Variants in VAV2 observed in about 807,000 individuals in gnomAD.
VAV2 encodes vav guanine nucleotide exchange factor 2, also known as guanine nucleotide exchange factor VAV2.
A neutral mutation model predicts 132.5 loss-of-function variants in VAV2; 67 were observed. The ratio of observed to expected loss-of-function variants is 0.51; its 90% confidence interval spans 0.42 to 0.62. The LOEUF is 0.62. VAV2 is among the 20% of genes least tolerant of loss of function. The pLI is 0.00. For missense variants in VAV2, 938 were observed against 1,153.6 expected (o/e 0.81, Z 2.71); for synonymous variants, 492 against 443.5 (o/e 1.11, Z -1.37).
intron 3 of VAV2, among the ~76,000 whole-genome samples, chr9:133,859,931 C>A (rs1037033604): frequency 6.6e-6 from 1 of 152,144 alleles, no homozygotes. Flanking sequence ...TGCTGGGCAC[C>A]GGGGTTTTGA....
intron 3 of VAV2, among the ~76,000 whole-genome samples, chr9:133,838,382 G>A (rs1392624852): frequency 4.0e-5 from 6 of 149,476 alleles, no homozygotes; most frequent in South Asian, 2.2e-4. Flanking sequence ...GATAGATGGC[G>A]GGGGGTGGAT....
intron 1 of VAV2, among the ~76,000 whole-genome samples, chr9:133,942,893 C>G (rs913914587): frequency 1.3e-5 from 2 of 152,178 alleles, no homozygotes; most frequent in Non-Finnish European, 2.9e-5. Flanking sequence ...ACTGCACGGA[C>G]GGGGATGGCA....
chr9:133,978,036 G>GT (rs1842571337), intron 1 of VAV2, among the ~76,000 whole-genome samples: 2 of 152,208 alleles, frequency 1.3e-5, no homozygotes, highest in South Asian at 4.1e-4. Context: ...TGTCCTACGT[G>GT]TATGAGACAA....
intron 2 of VAV2, among the ~76,000 whole-genome samples, chr9:133,876,202 T>A (rs1838255533): frequency 6.6e-6 from 1 of 152,240 alleles, no homozygotes; most frequent in East Asian, 1.9e-4. Context: ...TGGTATTAAA[T>A]CTTCCTATCT....
chr9:133,935,285 G>A lies in VAV2; in HGVS notation c.321+3818C>T, dbSNP rs997420221. The stretch of plus-strand genomic sequence containing the variant: ...GTAGGAAACGCTCAGTAAATGCCCC[G>A]AAAAAATGAAAGGGGCATTCGCTCT... On this transcript the variant is annotated intron_variant, in intron 2 of 29. Coordinates refer to ENST00000371850, the MANE Select transcript of VAV2 (RefSeq NM_001134398.2). The surrounding 1 kb of genome is among the most constrained non-coding windows in gnomAD (Gnocchi z 5.2). 6.6e-5 allele frequency among the ~76,000 whole-genome samples: 10 copies of A among 152,120 alleles called. No homozygotes were observed. Among genetic ancestry groups the A allele is most frequent in the African/African-American group, 9.7e-5 (4 of 41,428 alleles).
chr9:133,833,159 C>T lies in VAV2; in HGVS notation c.449+1113G>A, dbSNP rs1836327529. ...TTTCACAGAAGTGCATGAGACTGGGCCGCCAGCGTGGTGCCACATGCTGAT... is the reference window on the plus strand; with the variant it reads ...TTTCACAGAAGTGCATGAGACTGGGTCGCCAGCGTGGTGCCACATGCTGAT... On this transcript the variant is annotated intron_variant, in intron 4 of 29. Transcript: ENST00000371850. This position sits in a 1 kb window ranked among gnomAD's most constrained non-coding sequence, Gnocchi z 5.6. Among the ~76,000 whole-genome samples the T allele has an allele frequency of 6.6e-6, 1 of 152,176 alleles. No homozygotes were observed. The highest frequency in any genetic ancestry group is 2.4e-5 in the African/African-American group (1 of 41,436).
intron 2 of VAV2, among the ~76,000 whole-genome samples, chr9:133,923,243 G>A (rs1044994141): frequency 6.6e-6 from 1 of 152,192 alleles, no homozygotes; most frequent in African/African-American, 2.4e-5. Flanking sequence ...TGGTGGTCAT[G>A]GAAAATGGTG....
chr9:133,936,949 G>T (rs1564480118), intron 2 of VAV2, among the ~76,000 whole-genome samples: 1 of 152,218 alleles, frequency 6.6e-6, no homozygotes, highest in Non-Finnish European at 1.5e-5. Context: ...GACAAGGGCT[G>T]CCCATTTGCA....
chr9:133,986,043 GA>G (rs1842848035), intron 1 of VAV2, among the ~76,000 whole-genome samples: 1 of 151,812 alleles, frequency 6.6e-6, no homozygotes, highest in Non-Finnish European at 1.5e-5. Flanking sequence ...GGAAAGGAGG[GA>G]GAAAAGGAGA....
intron 2 of VAV2, among the ~76,000 whole-genome samples, chr9:133,933,744 G>GGATGGATA (rs1840779911): frequency 7.0e-6 from 1 of 142,944 alleles, no homozygotes; most frequent in African/African-American, 2.6e-5. Flanking sequence ...ATGAATGGAT[G>GGATGGATA]AGTGGATGGA....
At chr9:133,888,172 A>G (rs1838788464) in intron 2 of VAV2, among the ~76,000 whole-genome samples, 1 of 152,172 alleles carries the variant, frequency 6.6e-6, no homozygotes, top group South Asian at 2.1e-4. Context: ...ACTCACGCAG[A>G]CAGCAAGCAG....
In VAV2 at chr9:133,939,108, C is replaced by T; in HGVS notation, c.316G>A (p.Gly106Arg). The change falls in exon 2 of 30, where the codon GGA becomes AGA. Residue 106 changes from glycine (G) to arginine (R), a missense_variant. Coordinates refer to ENST00000371850, the MANE Select transcript of VAV2 (RefSeq NM_001134398.2). ...PFDLFDVRDF[G>R]KVISAVSRLS... ...TGGAGAGAGTGACTGCTCACCTTTC[C>T]AAAGTCTCGCACATCGAAGAGGTCA... is the stretch of plus-strand genomic sequence containing the variant. The T allele has an allele frequency of 6.2e-7, 1 of 1,614,134 alleles. No homozygotes were observed. The highest frequency in any genetic ancestry group is 8.5e-7 in the Non-Finnish European group (1 of 1,179,964).
chr9:133,913,053 T>C (rs1839938390), intron 2 of VAV2, among the ~76,000 whole-genome samples: 1 of 152,140 alleles, frequency 6.6e-6, no homozygotes, highest in African/African-American at 2.4e-5. Context: ...CGTGCAAACC[T>C]CACCTCACTT....
intron 1 of VAV2, among the ~76,000 whole-genome samples, chr9:133,986,986 G>A (rs1842874005): frequency 6.7e-6 from 1 of 150,028 alleles, no homozygotes; most frequent in Non-Finnish European, 1.5e-5. Context: ...CACACAGCAG[G>A]GTTTTATTAT....
chr9:133,869,989 C>G (rs1334506596), intron 2 of VAV2, among the ~76,000 whole-genome samples: 3 of 152,232 alleles, frequency 2.0e-5, no homozygotes, highest in Admixed American at 2.0e-4. Flanking sequence ...TCTAACTCAG[C>G]CTGTGTTATC....
At chr9:133,772,362 G>A (rs1341253582) in intron 25 of VAV2, among the ~76,000 whole-genome samples, 2 of 152,142 alleles carry the variant, frequency 1.3e-5, no homozygotes, top group Non-Finnish European at 2.9e-5. Flanking sequence ...TCAGTACCAG[G>A]AGCCTCTCCT....
chr9:133,862,523 T>A (rs1837638261), intron 2 of VAV2, among the ~76,000 whole-genome samples: 2 of 152,220 alleles, frequency 1.3e-5, no homozygotes, highest in South Asian at 4.1e-4. Context: ...GTGTGCATGT[T>A]GCTTGTGCGT....
rs1034631104 is a variant in VAV2 at position 133,879,671 on chromosome 9, C to T, written c.322-18239G>A. 2.0e-5 allele frequency among the ~76,000 whole-genome samples: 3 copies of T among 152,300 alleles called. No individual in the cohort carries two copies. The highest frequency in any genetic ancestry group is 7.2e-5 in the African/African-American group (3 of 41,570). ...ACACCAGGACGAACAGCACTGCTGGCTCAGATGAACCACCAAGAACCTGCT... is the reference window on the plus strand; with the variant it reads ...ACACCAGGACGAACAGCACTGCTGGTTCAGATGAACCACCAAGAACCTGCT... On this transcript the variant is annotated intron_variant, in intron 2 of 29. Transcript: ENST00000371850. This position sits in a 1 kb window ranked among gnomAD's most constrained non-coding sequence, Gnocchi z 4.4.
chr9:133,836,649 T>C (rs1444774566), intron 3 of VAV2, among the ~76,000 whole-genome samples: 6 of 152,228 alleles, frequency 3.9e-5, no homozygotes, highest in Admixed American at 3.9e-4. Flanking sequence ...CCTGAGGTTG[T>C]GATCTTGTTC....
Sources: gnomAD v4.1 joint callset for allele counts (sites outside exome capture counted in the v4.1 genomes callset) on GRCh38, gnomAD v4.1.1 for gene constraint, Gnocchi (gnomAD v3.1) non-coding constraint, MANE v1.5 for transcripts, NCBI Gene and HGNC (gene_info 2026-07-23, HGNC 2026-07-21) for gene names.